Variants in RAB22A observed in about 807,000 individuals in gnomAD.
RAB22A encodes RAB22A, member RAS oncogene family.
In RAB22A, 13 loss-of-function variants were observed where a neutral mutation model predicts 30.2. That is an observed-to-expected ratio of 0.43 (90% CI 0.28 to 0.68). The LOEUF is 0.68. Ranked by LOEUF, RAB22A falls within the 30% of genes least tolerant of loss-of-function variation. The probability of loss-of-function intolerance (pLI) is 0.18; values close to 1 mark genes in which losing one functional copy is unlikely to be tolerated. For synonymous variants in RAB22A, 89 were observed against 87.2 expected (o/e 1.02, Z -0.11); for missense variants, 177 against 246.8 (o/e 0.72, Z 1.89).
intron 2 of RAB22A, among the ~76,000 whole-genome samples, chr20:58,321,674 T>C (rs1186246913): frequency 6.6e-6 from 1 of 152,246 alleles, no homozygotes; most frequent in Non-Finnish European, 1.5e-5. Context: ...TTTTGCTTCA[T>C]GTTTCGAAGC....
intron 2 of RAB22A, among the ~76,000 whole-genome samples, chr20:58,312,216 A>G (rs1986240999): frequency 6.6e-6 from 1 of 151,554 alleles, no homozygotes. Flanking sequence ...CAACCTCTCA[A>G]AGTGCTGGGG....
intron 3 of RAB22A, among the ~76,000 whole-genome samples, chr20:58,351,061 C>T (rs1392986515): frequency 6.6e-6 from 1 of 152,086 alleles, no homozygotes; most frequent in Non-Finnish European, 1.5e-5. Flanking sequence ...TGCAGTAGTC[C>T]AGACACAGGG....
chr20:58,334,314 G>A (rs549066222), intron 2 of RAB22A, among the ~76,000 whole-genome samples: 145 of 149,348 alleles, frequency 9.7e-4, no homozygotes, highest in Non-Finnish European at 1.5e-3. Flanking sequence ...CAGCCTGGGC[G>A]ACAAGAGCGA....
chr20:58,344,133 G>C (rs1465804224), intron 3 of RAB22A, among the ~76,000 whole-genome samples: 1 of 152,230 alleles, frequency 6.6e-6, no homozygotes, highest in African/African-American at 2.4e-5. Context: ...AAAGCAATTA[G>C]TGGTAGAAAG....
At chr20:58,357,981 G>A (rs756017996) in intron 6 of RAB22A, among the ~76,000 whole-genome samples, 1 of 152,204 alleles carries the variant, frequency 6.6e-6, no homozygotes, top group Non-Finnish European at 1.5e-5. Flanking sequence ...ACATAAAGAT[G>A]GACAAATAGG....
chr20:58,325,598 T>C (rs1349705349), intron 2 of RAB22A, among the ~76,000 whole-genome samples: 5 of 152,276 alleles, frequency 3.3e-5, no homozygotes, highest in Non-Finnish European at 7.3e-5. Flanking sequence ...TTATCTTTGA[T>C]CTAAATGCCT....
chr20:58,348,588 T>G (rs954245819), intron 3 of RAB22A, among the ~76,000 whole-genome samples: 2 of 152,190 alleles, frequency 1.3e-5, no homozygotes, highest in Non-Finnish European at 2.9e-5. Context: ...TATTAGAATT[T>G]GCAGACAGAA....
intron 2 of RAB22A, among the ~76,000 whole-genome samples, chr20:58,328,438 C>A (rs1406023954): frequency 6.6e-6 from 1 of 152,122 alleles, no homozygotes; most frequent in Non-Finnish European, 1.5e-5. Context: ...CCTGTCTTGG[C>A]CTCTCAGATT....
At chr20:58,356,778 T>G (rs532606495) in intron 6 of RAB22A, among the ~76,000 whole-genome samples, 1 of 152,340 alleles carries the variant, frequency 6.6e-6, no homozygotes, top group African/African-American at 2.4e-5. Context: ...CATTACATTT[T>G]TAGACCATCC....
chr20:58,365,581 G>A lies in RAB22A; in HGVS notation c.*5878G>A, dbSNP rs1285972532. On this transcript the variant is annotated 3_prime_UTR_variant, in exon 7 of 7. Transcript: ENST00000244040. ...AACTGTCTTAACGTGGCTCATACAC[G>A]TGATGTCAGAGGGACTGGTCAGTTC... 1 of 152,174 alleles carries A rather than the reference G, an allele frequency of 6.6e-6. No individual in the cohort carries two copies. Among genetic ancestry groups the A allele is most frequent in the African/African-American group, 2.4e-5 (1 of 41,436 alleles). The allele number at this position is 152,174 out of a possible 1,614,324, so 9.4% of individuals were successfully genotyped here. A position where few individuals can be genotyped will look rare whatever the true frequency, so the allele number is the denominator to read the frequency against.
At chr20:58,347,044 C>T (rs113515774) in intron 3 of RAB22A, among the ~76,000 whole-genome samples, 3 of 152,210 alleles carry the variant, frequency 2.0e-5, no homozygotes, top group Non-Finnish European at 2.9e-5. Context: ...CCTCTACCTA[C>T]TTTTACCATG....
intron 3 of RAB22A, among the ~76,000 whole-genome samples, chr20:58,349,306 A>G (rs1987005065): frequency 6.6e-6 from 1 of 152,184 alleles, no homozygotes; most frequent in Admixed American, 6.5e-5. Flanking sequence ...CCCAGTGGGT[A>G]TTTCCCAGTT....
chr20:58,337,777 C>G (rs1041328551), intron 2 of RAB22A, among the ~76,000 whole-genome samples: 6 of 152,188 alleles, frequency 3.9e-5, no homozygotes, highest in African/African-American at 1.4e-4. Flanking sequence ...CTGCACCTCT[C>G]ACCAGCCCTG....
chr20:58,329,160 TCTC>T (rs1291985091), intron 2 of RAB22A, among the ~76,000 whole-genome samples: 1 of 151,958 alleles, frequency 6.6e-6, no homozygotes, highest in African/African-American at 2.4e-5. Context: ...TTCACACTGT[TCTC>T]CTGCCTCAGC....
intron 2 of RAB22A, among the ~76,000 whole-genome samples, chr20:58,318,014 G>A (rs1157636759): frequency 6.6e-6 from 1 of 151,942 alleles, no homozygotes; most frequent in East Asian, 1.9e-4. Flanking sequence ...CGAGCAGTAC[G>A]CATCACCATG....
chr20:58,316,536 A>G (rs1053195520), intron 2 of RAB22A, among the ~76,000 whole-genome samples: 6 of 152,256 alleles, frequency 3.9e-5, no homozygotes, highest in African/African-American at 1.4e-4. Flanking sequence ...CATACGCTGT[A>G]AGAAGAGGAG....
intron 2 of RAB22A, among the ~76,000 whole-genome samples, chr20:58,325,070 A>G (rs537096201): frequency 7.7e-4 from 112 of 146,402 alleles, no homozygotes; most frequent in Non-Finnish European, 1.4e-3. Flanking sequence ...CCAGCTACTC[A>G]GGAGGCTGAG....
chr20:58,353,240 C>T (rs781618880), intron 3 of RAB22A, 33 bp from the exon 4 acceptor site: 10 of 1,585,598 alleles, frequency 6.3e-6, no homozygotes, highest in Non-Finnish European at 7.8e-6. Context: ...ACCAGTTTTC[C>T]CAATTTTGTT....
At chr20:58,337,842 G>GCC (rs1986785493) in intron 2 of RAB22A, among the ~76,000 whole-genome samples, 1 of 152,132 alleles carries the variant, frequency 6.6e-6, no homozygotes, top group Admixed American at 6.5e-5. Flanking sequence ...CCAGCCTGGA[G>GCC]CCCACAGTAG....
Sources: allele counts gnomAD v4.1 joint callset (sites outside exome capture counted in the v4.1 genomes callset), GRCh38; gene constraint gnomAD v4.1.1; transcripts MANE v1.5; gene names NCBI Gene and HGNC (gene_info 2026-07-23, HGNC 2026-07-21).